MAML2: variants seen among roughly 807,000 people sequenced by gnomAD.
MAML2 encodes the protein mastermind-like protein 2.
A neutral mutation model predicts 96.1 loss-of-function variants in MAML2; 22 were observed. The observed-to-expected ratio is 0.23, with a 90% CI of 0.16 to 0.33. The LOEUF (loss-of-function observed/expected upper bound fraction) is 0.33, where lower values mean the gene tolerates loss of function less well. Among genes scored for constraint, MAML2 ranks in the 10% least tolerant of loss-of-function variants. The probability of loss-of-function intolerance (pLI) is 1.00; values close to 1 mark genes in which losing one functional copy is unlikely to be tolerated. For missense variants in MAML2, 1,367 were observed against 1,392.4 expected, an observed-to-expected ratio of 0.98 and a Z score of 0.29; for synonymous variants, 561 against 521.3, an observed-to-expected ratio of 1.08 and a Z score of -1.04.
intron 2 of MAML2, among the ~76,000 whole-genome samples, chr11:96,049,407 A>C (rs1001547239): frequency 6.6e-6 from 1 of 152,130 alleles, no homozygotes; most frequent in Non-Finnish European, 1.5e-5. Flanking sequence ...TTTTTTTGAC[A>C]AAGAAGGTAA....
At chr11:96,287,263 T>C (rs1444369958) in intron 1 of MAML2, among the ~76,000 whole-genome samples, 1 of 152,204 alleles carries the variant, frequency 6.6e-6, no homozygotes, top group Non-Finnish European at 1.5e-5. Context: ...AACTTCTCCT[T>C]AACAAATGAC....
intron 2 of MAML2, among the ~76,000 whole-genome samples, chr11:96,083,183 T>C (rs1017718056): frequency 3.9e-5 from 6 of 152,240 alleles, no homozygotes; most frequent in Non-Finnish European, 7.3e-5. Flanking sequence ...TTTATCCTGC[T>C]ACTAGAGTGA....
chr11:96,312,049 G>C (rs1002465522), intron 1 of MAML2, among the ~76,000 whole-genome samples: 3 of 151,688 alleles, frequency 2.0e-5, no homozygotes, highest in Non-Finnish European at 2.9e-5. Context: ...GTGAAACCCT[G>C]TCTCTACAAA....
intron 1 of MAML2, among the ~76,000 whole-genome samples, chr11:96,199,978 A>T (rs1861794595): frequency 6.6e-6 from 1 of 152,222 alleles, no homozygotes; most frequent in Non-Finnish European, 1.5e-5. Flanking sequence ...GAAGGGAATC[A>T]CTTAACAGCA....
At position 96,210,354 on chromosome 11, in the gene MAML2, C is replaced by A. The variant is rs941574179; in HGVS notation, c.514-116837G>T. ...GAACTCCTGACCTCAGGTGATCTGC[C>A]CACCTCGGCCTCCCAAAGTGCTGGG... On this transcript the variant is annotated intron_variant, in intron 1 of 4. Coordinates refer to ENST00000524717, the MANE Select transcript of MAML2 (RefSeq NM_032427.4). Among the ~76,000 whole-genome samples the A allele has an allele frequency of 2.6e-5, 4 of 152,266 alleles. No homozygotes were observed. In the South Asian group the frequency reaches 8.3e-4, roughly 32 times the overall value.
At chr11:96,237,681 AATGTAAT>A (rs1449661873) in intron 1 of MAML2, among the ~76,000 whole-genome samples, 1 of 152,226 alleles carries the variant, frequency 6.6e-6, no homozygotes, top group Non-Finnish European at 1.5e-5. Flanking sequence ...TTTATTCATT[AATGTAAT>A]ATGTAATTGT....
intron 2 of MAML2, among the ~76,000 whole-genome samples, chr11:96,015,354 T>C (rs1334525440): frequency 1.3e-5 from 2 of 152,148 alleles, no homozygotes; most frequent in Non-Finnish European, 2.9e-5. Context: ...AGTTTCCTCA[T>C]CTATAAAAGT....
At chr11:96,330,275 A>G (rs999324000) in intron 1 of MAML2, among the ~76,000 whole-genome samples, 3 of 152,218 alleles carry the variant, frequency 2.0e-5, no homozygotes, top group African/African-American at 7.2e-5. Context: ...AGAAGAGACA[A>G]AGAGAAAGCA....
chr11:95,989,660 G>C (rs1322414056), intron 3 of MAML2, among the ~76,000 whole-genome samples: 1 of 123,368 alleles, frequency 8.1e-6, no homozygotes. Context: ...GGGAGGGGAA[G>C]GGAACAGGGG....
intron 1 of MAML2, among the ~76,000 whole-genome samples, chr11:96,285,560 T>C (rs556027546): frequency 6.6e-6 from 1 of 152,226 alleles, no homozygotes; most frequent in Admixed American, 6.5e-5. Flanking sequence ...GAAGACAATT[T>C]TTGCAATCTA....
chr11:96,100,747 T>G (rs28372605), intron 1 of MAML2, among the ~76,000 whole-genome samples: 3 of 136,958 alleles, frequency 2.2e-5, no homozygotes, highest in Admixed American at 1.5e-4. Context: ...TTTTTTTTTT[T>G]CTTTTTTTTT....
intron 2 of MAML2, among the ~76,000 whole-genome samples, chr11:96,027,502 A>G (rs1310328979): frequency 6.6e-6 from 1 of 152,076 alleles, no homozygotes; most frequent in African/African-American, 2.4e-5. Flanking sequence ...TGAGCATGGG[A>G]ATGATCTGGA....
At chr11:96,339,200 C>T (rs1863957045) in intron 1 of MAML2, among the ~76,000 whole-genome samples, 1 of 152,200 alleles carries the variant, frequency 6.6e-6, no homozygotes, top group Admixed American at 6.5e-5. Flanking sequence ...CAGGAGATGG[C>T]TGGTGGTTAG....
intron 2 of MAML2, among the ~76,000 whole-genome samples, chr11:96,022,742 G>A (rs1423294500): frequency 6.6e-6 from 1 of 152,158 alleles, no homozygotes; most frequent in East Asian, 1.9e-4. Flanking sequence ...TGTCTAATGT[G>A]GCCCATAATG....
intron 2 of MAML2, among the ~76,000 whole-genome samples, chr11:96,086,350 G>A (rs1859613266): frequency 1.3e-5 from 2 of 152,112 alleles, no homozygotes; most frequent in Admixed American, 6.5e-5. Context: ...AAATTTGAAT[G>A]GATGATGTTA....
intron 2 of MAML2, among the ~76,000 whole-genome samples, chr11:96,079,302 T>C (rs910770739): frequency 1.3e-5 from 2 of 152,206 alleles, no homozygotes; most frequent in Non-Finnish European, 2.9e-5. Flanking sequence ...CACATGTATA[T>C]TACACACACA....
intron 1 of MAML2, among the ~76,000 whole-genome samples, chr11:96,247,866 C>A (rs1591094530): frequency 6.6e-6 from 1 of 152,126 alleles, no homozygotes; most frequent in South Asian, 2.1e-4. Context: ...ACACCAACAA[C>A]CTTCCACCAA....
chr11:96,010,253 A>T (rs1858246085), intron 2 of MAML2, among the ~76,000 whole-genome samples: 1 of 152,250 alleles, frequency 6.6e-6, no homozygotes, highest in Non-Finnish European at 1.5e-5. Flanking sequence ...TAAAGTGTTT[A>T]CAAGTTATAC....
intron 2 of MAML2, among the ~76,000 whole-genome samples, chr11:96,045,885 C>A (rs1437557849): frequency 6.7e-6 from 1 of 149,070 alleles, no homozygotes; most frequent in Non-Finnish European, 1.5e-5. Flanking sequence ...TATTTTTCTC[C>A]CAGTCAGCAC....
Sources: gnomAD v4.1 joint callset for allele counts (sites outside exome capture counted in the v4.1 genomes callset) on GRCh38, gnomAD v4.1.1 for gene constraint, MANE v1.5 for transcripts, NCBI Gene and HGNC (gene_info 2026-07-23, HGNC 2026-07-21) for gene names.